The following DDX42 variants were observed in gnomAD, a reference collection of about 807,000 sequenced individuals.
DDX42 encodes the protein DEAD-box helicase 42.
DDX42 carries 22 observed loss-of-function variants against 101.5 expected under a neutral mutation model. That is an observed-to-expected ratio of 0.22 (90% CI 0.15 to 0.31). The LOEUF (loss-of-function observed/expected upper bound fraction) is 0.31, where lower values mean the gene tolerates loss of function less well. DDX42 is among the 10% of genes least tolerant of loss of function. The probability of loss-of-function intolerance (pLI) is 1.00; values close to 1 mark genes in which losing one functional copy is unlikely to be tolerated. For synonymous variants in DDX42, 402 were observed against 401.2 expected, an observed-to-expected ratio of 1.00 and a Z score of -0.02; for missense variants, 849 against 1,199.9, an observed-to-expected ratio of 0.71 and a Z score of 4.32.
intron 1 of DDX42, among the ~76,000 whole-genome samples, chr17:63,778,832 G>A (rs2039452434): frequency 6.6e-6 from 1 of 152,032 alleles, no homozygotes; most frequent in Non-Finnish European, 1.5e-5. Context: ...GTAGAGATGG[G>A]GTTTCACCAT....
intron 3 of DDX42, among the ~76,000 whole-genome samples, chr17:63,796,807 C>T (rs1343536880): frequency 6.6e-6 from 1 of 152,140 alleles, no homozygotes; most frequent in Non-Finnish European, 1.5e-5. Context: ...TATCTTATAG[C>T]TGGTTCAGTC....
rs780884817 is a variant in DDX42 at position 63,793,879 on chromosome 17, T to TATATATATAA, written c.372+1318_372+1319insTATATATAAA. 1.9e-3 allele frequency among the ~76,000 whole-genome samples: 197 copies of TATATATATAA among 103,030 alleles called. 1 individual carries two copies. Among genetic ancestry groups the TATATATATAA allele is most frequent in the African/African-American group, 7.4e-3 (187 of 25,310 alleles). 67.6% of individuals were successfully genotyped at this position (103,030 alleles called of 152,430 possible). A position where few individuals can be genotyped will look rare whatever the true frequency, so the allele number is the denominator to read the frequency against. On this transcript the variant is annotated intron_variant, in intron 3 of 17. Coordinates refer to ENST00000389924, the MANE Select transcript of DDX42 (RefSeq NM_203499.3). ...ATTTATATATATATATATATATATA[T>TATATATATAA]AATTTTTTAACTGATAACAAAACCG...
At chr17:63,779,145 A>G (rs931907128) in intron 1 of DDX42, among the ~76,000 whole-genome samples, 2 of 152,218 alleles carry the variant, frequency 1.3e-5, no homozygotes, top group African/African-American at 4.8e-5. Flanking sequence ...AGGTATTTCA[A>G]AAGGGTTCTT....
intron 1 of DDX42, among the ~76,000 whole-genome samples, chr17:63,777,050 G>T (rs759708822): frequency 6.6e-6 from 1 of 152,136 alleles, no homozygotes; most frequent in Non-Finnish European, 1.5e-5. Context: ...AGGACTACAG[G>T]CGTGTGCCAC....
chr17:63,802,858 C>T (rs981594361), intron 6 of DDX42, among the ~76,000 whole-genome samples: 17 of 150,046 alleles, frequency 1.1e-4, no homozygotes, highest in African/African-American at 3.2e-4. Context: ...TGCAGTGAGC[C>T]GAGATCATGC....
chr17:63,815,322 G>C (rs2039963508), intron 15 of DDX42, among the ~76,000 whole-genome samples: 4 of 152,216 alleles, frequency 2.6e-5, no homozygotes, highest in Non-Finnish European at 5.9e-5. Context: ...GGAGAGCCTT[G>C]AGGGAGGGAG....
chr17:63,782,460 A>G (rs760065194), intron 1 of DDX42, among the ~76,000 whole-genome samples: 2 of 152,000 alleles, frequency 1.3e-5, no homozygotes, highest in Non-Finnish European at 2.9e-5. Flanking sequence ...ATAGATACTG[A>G]ACTCACCTTT....
At chr17:63,782,710 C>T (rs2039503280) in intron 1 of DDX42, among the ~76,000 whole-genome samples, 1 of 152,112 alleles carries the variant, frequency 6.6e-6, no homozygotes. Flanking sequence ...AGAATTTTGT[C>T]GCTTTATACC....
At chr17:63,781,114 A>G in intron 1 of DDX42, among the ~76,000 whole-genome samples, 1 of 152,138 alleles carries the variant, frequency 6.6e-6, no homozygotes. Flanking sequence ...TTCATCTTCT[A>G]CTACTTACTT....
At chr17:63,775,966 A>G (rs11651693) in intron 1 of DDX42, 50,866 of 152,024 alleles carry the variant, frequency 0.33, 9,453 homozygotes, top group African/African-American at 0.51. Flanking sequence ...ATAACCTAGC[A>G]TTTACTTGTA....
In DDX42 at chr17:63,800,451, C is replaced by T; in HGVS notation, c.472-17C>T. The stretch of plus-strand genomic sequence containing the variant: ...AATTGTACTTGGGTGTGATTATGTT[C>T]TTGTGCTTTCCTGCAGGAAGCTTAT... On this transcript the variant is annotated splice_polypyrimidine_tract_variant and intron_variant, in intron 5 of 17. Coordinates refer to ENST00000389924, the MANE Select transcript of DDX42 (RefSeq NM_203499.3). 1 of 1,611,386 alleles carries T rather than the reference C, an allele frequency of 6.2e-7. No individual in the cohort carries two copies. The highest frequency in any genetic ancestry group is 8.5e-7 in the Non-Finnish European group (1 of 1,178,662).
At position 63,774,222 on chromosome 17, in the gene DDX42, T is replaced by G. The variant is rs1272165941; in HGVS notation, c.-171T>G. The G allele has an allele frequency of 2.1e-5, 5 of 234,788 alleles. No homozygotes were observed. Among genetic ancestry groups the G allele is most frequent in the Admixed American group, 6.5e-5 (1 of 15,376 alleles). 14.5% of individuals were successfully genotyped at this position (234,788 alleles called of 1,614,324 possible). A position where few individuals can be genotyped will look rare whatever the true frequency, so the allele number is the denominator to read the frequency against. ...CGTGAGGCGGTGGCGGTGGTGGCGG[T>G]GGCGGCGGCGGTGGTGGTGGTGGCG... On this transcript the variant is annotated 5_prime_UTR_variant, in exon 1 of 18. Coordinates refer to ENST00000389924, the MANE Select transcript of DDX42 (RefSeq NM_203499.3).
At chr17:63,817,137 C>G (rs551122108) in intron 17 of DDX42, 171 bp downstream of exon 17, 4 of 583,428 alleles carry the variant, frequency 6.9e-6, no homozygotes, top group South Asian at 2.1e-5. Flanking sequence ...GTTGGAAATG[C>G]AAGTTGATCT....
intron 10 of DDX42, among the ~76,000 whole-genome samples, 161 bp downstream of exon 10, chr17:63,809,109 G>C (rs1007015702): frequency 3.3e-5 from 5 of 152,188 alleles, no homozygotes; most frequent in Non-Finnish European, 7.3e-5. Context: ...GGCTAAATTA[G>C]CAGTTCAGTG....
chr17:63,789,571 GTTTTTTTTTT>G (rs538515067), intron 2 of DDX42, among the ~76,000 whole-genome samples: 1 of 45,680 alleles, frequency 2.2e-5, no homozygotes, highest in Non-Finnish European at 4.2e-5. Context: ...TTTTGTTTTT[GTTTTTTTTTT>G]TTTTTTTTTG....
chr17:63,776,860 C>T (rs1031856287), intron 1 of DDX42, among the ~76,000 whole-genome samples: 1 of 152,156 alleles, frequency 6.6e-6, no homozygotes, highest in Admixed American at 6.5e-5. Context: ...ATAGTTTACA[C>T]ATAGCCTGTG....
At position 63,807,799 on chromosome 17, in the gene DDX42, A is replaced by G; in HGVS notation, c.922A>G (p.Ile308Val). The change falls in exon 9 of 18, where the codon ATT (isoleucine) becomes GTT (valine). Residue 308 changes from isoleucine (I) to valine (V), a missense_variant. By Grantham distance (29) the Ile-to-Val change is conservative. This residue lies in a region of DDX42 where 370 missense variants were observed against 608.8 expected (regional missense o/e 0.61). Transcript: ENST00000389924. ...AGGTAGTGGGAAAACTGCAGCCTTCATTTGGCCCATGTTGATTCATATAAT... is the reference window on the plus strand; with the variant it reads ...AGGTAGTGGGAAAACTGCAGCCTTCGTTTGGCCCATGTTGATTCATATAAT... ...KTGSGKTAAF[I>V]WPMLIHIMDQ... 6.2e-7 allele frequency: 1 copy of G among 1,614,182 alleles called. No homozygotes were observed. The highest frequency in any genetic ancestry group is 8.5e-7 in the Non-Finnish European group (1 of 1,180,030).
intron 13 of DDX42, 119 bp from the exon 14 acceptor site, chr17:63,811,813 A>G: frequency 2.2e-6 from 3 of 1,362,908 alleles, no homozygotes; most frequent in Non-Finnish European, 2.0e-6. Flanking sequence ...TGAAGGCCCA[A>G]GGAGAACTGG....
At position 63,806,628 on chromosome 17, in the gene DDX42, A is replaced by C; in HGVS notation, c.820A>C (p.Thr274Pro). Residue 274 changes from threonine (T) to proline (P), a missense_variant, in exon 8 of 18, where the codon ACA (threonine) becomes CCA (proline). Thr to Pro is a conservative substitution (Grantham distance 38, BLOSUM62 -1). Transcript: ENST00000389924. ...GCACCAGATTCGGAAATCTGAATACACACAGCCCACTCCAATACAGTGCCA... is the reference window on the plus strand; with the variant it reads ...GCACCAGATTCGGAAATCTGAATACCCACAGCCCACTCCAATACAGTGCCA... The part of the protein sequence containing the change: ...LMHQIRKSEY[T>P]QPTPIQCQGV... 1 of 1,613,664 alleles carries C rather than the reference A, an allele frequency of 6.2e-7. No homozygotes were observed. The highest frequency in any genetic ancestry group is 8.5e-7 in the Non-Finnish European group (1 of 1,179,878).
Sources: allele counts gnomAD v4.1 joint callset (sites outside exome capture counted in the v4.1 genomes callset), GRCh38; gene constraint gnomAD v4.1.1; regional missense constraint gnomAD v4.1.1; transcripts MANE v1.5; gene names NCBI Gene and HGNC (gene_info 2026-07-23, HGNC 2026-07-21).